MALRD1: variants seen among roughly 807,000 people sequenced by gnomAD.
The protein encoded by MALRD1 is MAM and LDL-receptor class A domain-containing protein 1.
MALRD1 carries 247 observed loss-of-function variants against 242.1 expected under a neutral mutation model. The observed-to-expected ratio is 1.02, with a 90% CI of 0.92 to 1.13. The LOEUF is 1.13. Among genes scored for constraint, MALRD1 ranks in the 50% most tolerant of loss-of-function variants. The pLI, the probability that MALRD1 is intolerant of heterozygous loss-of-function variation, is 0.00. For missense variants in MALRD1, 2,989 were observed against 2,533.1 expected (o/e 1.18, Z -3.86); for synonymous variants, 995 against 866.6 (o/e 1.15, Z -2.60).
At chr10:19,502,202 T>C (rs1221663205) in intron 31 of MALRD1, among the ~76,000 whole-genome samples, 1 of 152,038 alleles carries the variant, frequency 6.6e-6, no homozygotes, top group African/African-American at 2.4e-5. Context: ...ATTTACTTTT[T>C]CTTCAATATT....
intron 33 of MALRD1, among the ~76,000 whole-genome samples, chr10:19,577,417 G>A (rs1836883597): frequency 6.6e-6 from 1 of 152,136 alleles, no homozygotes. Flanking sequence ...TACCAGGCAG[G>A]CTTAAGGGAG....
intron 26 of MALRD1, among the ~76,000 whole-genome samples, chr10:19,381,565 C>T (rs376953577): frequency 9.9e-5 from 15 of 151,610 alleles, no homozygotes; most frequent in East Asian, 7.7e-4. Context: ...CGGTGGCTCA[C>T]GCTTGTAATC....
At chr10:19,097,038 T>G (rs953404747) in intron 4 of MALRD1, among the ~76,000 whole-genome samples, 2 of 152,242 alleles carry the variant, frequency 1.3e-5, no homozygotes, top group Non-Finnish European at 2.9e-5. Context: ...AGAGAGTTTC[T>G]GAAGATATTT....
intron 38 of MALRD1, among the ~76,000 whole-genome samples, chr10:19,726,562 G>T (rs1835035774): frequency 6.6e-6 from 1 of 152,124 alleles, no homozygotes; most frequent in Non-Finnish European, 1.5e-5. Flanking sequence ...AGTTAAAAAA[G>T]AGTTACCGTG....
intron 18 of MALRD1, among the ~76,000 whole-genome samples, chr10:19,234,206 C>A (rs1406130252): frequency 6.6e-6 from 1 of 151,800 alleles, no homozygotes; most frequent in African/African-American, 2.4e-5. Context: ...TAAATTGTTT[C>A]TAATTCTAAA....
intron 24 of MALRD1, among the ~76,000 whole-genome samples, chr10:19,341,452 GTGTATATATATGTATATA>G (rs1564576991): frequency 7.9e-6 from 1 of 126,208 alleles, no homozygotes; most frequent in Admixed American, 8.0e-5. Flanking sequence ...ATATATATAT[GTGTATATATATGTATATA>G]TGTATATATA....
At position 19,203,773 on chromosome 10, in the gene MALRD1, C is replaced by T. The variant is rs16918344; in HGVS notation, c.1997C>T (p.Ala666Val). ...GCAAACAGCTGTGATTGGTTTGAAG[C>T]AATTAGTGGTGACCATTTTGACTGG... is the stretch of plus-strand genomic sequence containing the variant. ...FEANSCDWFE[A>V]ISGDHFDWIR... The change falls in exon 15 of 40, where the codon GCA becomes GTA. Residue 666 changes from alanine (A) to valine (V), a missense_variant. Coordinates refer to ENST00000454679, the MANE Select transcript of MALRD1 (RefSeq NM_001142308.3). 217,032 of 1,549,776 alleles carry T rather than the reference C, an allele frequency of 0.14. 16,403 individuals carry two copies. Among genetic ancestry groups the T allele is most frequent in the Middle Eastern group, 0.19 (1,116 of 5,986 alleles).
At chr10:19,426,494 A>T (rs993162002) in intron 28 of MALRD1, among the ~76,000 whole-genome samples, 2 of 152,138 alleles carry the variant, frequency 1.3e-5, no homozygotes, top group African/African-American at 2.4e-5. Flanking sequence ...TACTAGCCAC[A>T]TGCAGTTTTA....
intron 4 of MALRD1, 28 bp downstream of exon 4, chr10:19,088,213 G>A: frequency 1.6e-6 from 2 of 1,231,864 alleles, no homozygotes; most frequent in Non-Finnish European, 1.0e-6. Context: ...TCTAACTATG[G>A]CCTTGAAGAA....
Position 19,530,091 on chromosome 10 carries a change from A to G in MALRD1, c.5321-1103A>G, listed in dbSNP as rs1834286644. On this transcript the variant is annotated intron_variant, in intron 31 of 39. Transcript: ENST00000454679. ...GCAAAAGACTCAGAATAGCCAAAAC[A>G]ATATTTAATTAATAAGAGTGTGTCA... 4.0e-5 allele frequency among the ~76,000 whole-genome samples: 6 copies of G among 151,668 alleles called. No individual in the cohort carries two copies. The South Asian group carries it at 1.2e-3, about 31-fold the overall frequency.
chr10:19,562,410 A>C (rs1836021107), intron 32 of MALRD1, among the ~76,000 whole-genome samples: 1 of 152,080 alleles, frequency 6.6e-6, no homozygotes, highest in Non-Finnish European at 1.5e-5. Flanking sequence ...AACTCATGAA[A>C]CTCTGGGTGT....
At chr10:19,211,745 A>C (rs969775567) in intron 18 of MALRD1, among the ~76,000 whole-genome samples, 2 of 148,202 alleles carry the variant, frequency 1.3e-5, no homozygotes, top group African/African-American at 4.9e-5. Context: ...ATGCTGATTT[A>C]AGGAACAGGA....
intron 26 of MALRD1, among the ~76,000 whole-genome samples, chr10:19,370,988 T>C (rs914494835): frequency 1.3e-5 from 2 of 151,720 alleles, no homozygotes; most frequent in African/African-American, 2.4e-5. Context: ...TAGGGCTTTT[T>C]TTTTTGGTAT....
At chr10:19,101,332 C>G (rs1212650956) in intron 4 of MALRD1, among the ~76,000 whole-genome samples, 3 of 143,516 alleles carry the variant, frequency 2.1e-5, no homozygotes, top group Non-Finnish European at 4.5e-5. Context: ...TTGAATCAAA[C>G]TACTTGGATA....
chr10:19,524,337 C>T (rs907076988), intron 31 of MALRD1, among the ~76,000 whole-genome samples: 27 of 151,730 alleles, frequency 1.8e-4, no homozygotes, highest in African/African-American at 5.8e-4. Flanking sequence ...ATTAGCTGGG[C>T]GTGGTGGTGC....
intron 5 of MALRD1, among the ~76,000 whole-genome samples, chr10:19,114,212 A>C (rs1037974977): frequency 1.3e-5 from 2 of 152,222 alleles, no homozygotes; most frequent in African/African-American, 4.8e-5. Context: ...ATGAGGCTTT[A>C]TTGAAGAAGA....
Position 19,062,792 on chromosome 10 carries a change from C to A in MALRD1, c.200-3927C>A, listed in dbSNP as rs563243111. On this transcript the variant is annotated intron_variant, in intron 1 of 39. Transcript: ENST00000454679. ...ATTTCAGTTTTGCAAGATGGAATGG[C>A]TTCTGGGGATAGACGATGGTGATGG... Among the ~76,000 whole-genome samples the A allele has an allele frequency of 1.4e-4, 21 of 152,182 alleles. No homozygotes were observed. In the South Asian group the frequency reaches 4.1e-3, roughly 30 times the overall value.
chr10:19,298,372 A>G (rs575279312), intron 21 of MALRD1, among the ~76,000 whole-genome samples: 1 of 152,076 alleles, frequency 6.6e-6, no homozygotes, highest in South Asian at 2.1e-4. Flanking sequence ...GCCACACTGG[A>G]GATCAAATTT....
chr10:19,385,998 A>G (rs532122460), intron 26 of MALRD1, among the ~76,000 whole-genome samples: 49 of 152,254 alleles, frequency 3.2e-4, no homozygotes, highest in African/African-American at 1.1e-3. Context: ...GCTTATTTTC[A>G]ATGGCTTCAT....
Sources: gnomAD v4.1 joint callset for allele counts (sites outside exome capture counted in the v4.1 genomes callset) on GRCh38, gnomAD v4.1.1 for gene constraint, MANE v1.5 for transcripts, NCBI Gene and HGNC (gene_info 2026-07-23, HGNC 2026-07-21) for gene names.